The following IARS1 variants were observed in gnomAD, a reference collection of about 807,000 sequenced individuals.
IARS1 encodes isoleucyl-tRNA synthetase 1.
A neutral mutation model predicts 168.2 loss-of-function variants in IARS1; 124 were observed. That is an observed-to-expected ratio of 0.74 (90% CI 0.64 to 0.86). IARS1 has a LOEUF of 0.86. IARS1 is among the 40% of genes least tolerant of loss of function. The pLI, the probability that IARS1 is intolerant of heterozygous loss-of-function variation, is 0.00. For missense variants in IARS1, 1,452 were observed against 1,515.8 expected (o/e 0.96, Z 0.70); for synonymous variants, 532 against 529.4 (o/e 1.00, Z -0.07).
chr9:92,240,740 T>C lies in IARS1; in HGVS notation c.3283+116A>G, dbSNP rs187102071. On this transcript the variant is annotated intron_variant, in intron 30 of 33. Transcript: ENST00000443024. The stretch of plus-strand genomic sequence containing the variant: ...AGAAGAAAAAGTTATCTATTAAACA[T>C]GATTAAATAATTATTCCAATTCTCT... 4.2e-4 allele frequency: 307 copies of C among 726,520 alleles called. No homozygotes were observed. The African/African-American group carries it at 4.5e-3, about 11-fold the overall frequency. The allele number at this position is 726,520 out of a possible 1,614,324, so 45.0% of individuals were successfully genotyped here.
At chr9:92,221,010 A>T (rs1053863265) in intron 33 of IARS1, among the ~76,000 whole-genome samples, 1 of 152,168 alleles carries the variant, frequency 6.6e-6, no homozygotes, top group Non-Finnish European at 1.5e-5. Context: ...CTGTAACAGA[A>T]ATAAACACTG....
chr9:92,274,950 T>C (rs1281628766), intron 9 of IARS1, among the ~76,000 whole-genome samples: 2 of 152,222 alleles, frequency 1.3e-5, no homozygotes, highest in Non-Finnish European at 2.9e-5. Flanking sequence ...TATTCAGTCA[T>C]AAAGGCAAAT....
In IARS1 at chr9:92,225,287, T is replaced by C. The variant is rs529597604; in HGVS notation, c.3410-1798A>G. On this transcript the variant is annotated intron_variant, in intron 31 of 33. Transcript: ENST00000443024. Reference sequence around the variant, plus strand: ...AACACAGCATTCCACATAGCATCGCTTGACCAGAGAACTCATTTTTCAGCA... The same window carrying C: ...AACACAGCATTCCACATAGCATCGCCTGACCAGAGAACTCATTTTTCAGCA... Among the ~76,000 whole-genome samples the C allele has an allele frequency of 2.0e-5, 3 of 152,356 alleles. No homozygotes were observed. The South Asian group carries it at 6.2e-4, about 32-fold the overall frequency.
At chr9:92,265,600 G>A in intron 14 of IARS1, 47 bp from the exon 15 acceptor site, 2 of 1,348,620 alleles carry the variant, frequency 1.5e-6, no homozygotes, top group South Asian at 2.3e-5. Flanking sequence ...GAGCCAAACA[G>A]AGCATACTGA....
chr9:92,247,907 T>C (rs186479179), intron 25 of IARS1, among the ~76,000 whole-genome samples: 7 of 152,348 alleles, frequency 4.6e-5, no homozygotes, highest in Admixed American at 2.0e-4. Context: ...AATGGTCAGA[T>C]ATTGAGGGGA....
chr9:92,265,879 AAACTCTTGGACTCG>A (rs1203509001), intron 14 of IARS1, among the ~76,000 whole-genome samples: 1 of 152,130 alleles, frequency 6.6e-6, no homozygotes, highest in Non-Finnish European at 1.5e-5. Flanking sequence ...GGCTGGTCTC[AAACTCTTGGACTCG>A]AGCTATCAGC....
At chr9:92,213,238 A>G (rs1464251221) in intron 33 of IARS1, among the ~76,000 whole-genome samples, 2 of 152,188 alleles carry the variant, frequency 1.3e-5, no homozygotes, top group Admixed American at 1.3e-4. Context: ...AGAGCTAGGA[A>G]AGCAGGGAAA....
At chr9:92,223,259 C>T (rs866942945) in intron 32 of IARS1, 87 bp downstream of exon 32, 9 of 1,268,646 alleles carry the variant, frequency 7.1e-6, no homozygotes, top group African/African-American at 4.4e-5. Flanking sequence ...ACTTTGAAGC[C>T]GACTAGAAAT....
intron 30 of IARS1, among the ~76,000 whole-genome samples, chr9:92,238,368 A>T (rs1827865347): frequency 6.6e-6 from 1 of 152,086 alleles, no homozygotes; most frequent in African/African-American, 2.4e-5. Flanking sequence ...ATGGCTTGGT[A>T]CCCTTGTTGC....
intron 33 of IARS1, among the ~76,000 whole-genome samples, chr9:92,216,072 T>C (rs1290727229): frequency 6.6e-6 from 1 of 151,512 alleles, no homozygotes; most frequent in East Asian, 1.9e-4. Context: ...ACAGCAGATC[T>C]CTCGGCAGAA....
rs768706439 is a variant in IARS1 at position 92,287,926 on chromosome 9, A to G, written c.277-16T>C. The G allele has an allele frequency of 6.2e-7, 1 of 1,613,668 alleles. No homozygotes were observed. Among genetic ancestry groups the G allele is most frequent in the South Asian group, 1.1e-5 (1 of 90,972 alleles). ...TTTCATATTCCTGAAAATTTGTGAT[A>G]AGACTGTTACCACGCTGCCCTATGA... On this transcript the variant is annotated splice_polypyrimidine_tract_variant and intron_variant, in intron 3 of 33. Coordinates refer to ENST00000443024, the MANE Select transcript of IARS1 (RefSeq NM_002161.6).
At chr9:92,246,511 T>A (rs1190772759) in intron 26 of IARS1, among the ~76,000 whole-genome samples, 3 of 152,238 alleles carry the variant, frequency 2.0e-5, no homozygotes, top group Non-Finnish European at 4.4e-5. Context: ...TCCCATCATT[T>A]GGTTAGGTAC....
At chr9:92,274,281 T>C (rs1833491740) in intron 10 of IARS1, 145 bp downstream of exon 10, 1 of 600,786 alleles carries the variant, frequency 1.7e-6, no homozygotes, top group Non-Finnish European at 3.0e-6. Context: ...GAATTGCAGA[T>C]GCAAATTTTA....
chr9:92,271,153 C>A, intron 11 of IARS1, 77 bp from the exon 12 acceptor site: 1 of 801,706 alleles, frequency 1.2e-6, no homozygotes, highest in Non-Finnish European at 1.9e-6. Flanking sequence ...GAATCTGATA[C>A]CTTGTTATGA....
intron 7 of IARS1, among the ~76,000 whole-genome samples, chr9:92,278,966 T>C (rs1834140046): frequency 6.6e-6 from 1 of 152,168 alleles, no homozygotes; most frequent in African/African-American, 2.4e-5. Flanking sequence ...TGTACCCTTA[T>C]TGTAAGTGTT....
rs1829390557 is a variant in IARS1 at position 92,247,521 on chromosome 9, T to C, written c.2647A>G (p.Thr883Ala). The C allele has an allele frequency of 6.2e-7, 1 of 1,613,944 alleles. No homozygotes were observed. The highest frequency in any genetic ancestry group is 8.5e-7 in the Non-Finnish European group (1 of 1,180,008). The change falls in exon 26 of 34, where the codon ACA becomes GCA. Residue 883 changes from threonine to alanine, a missense_variant. By Grantham distance (58) the Thr-to-Ala change is moderately conservative. Transcript: ENST00000443024. Reference protein sequence around the residue: ...ELNVRKVTLSTDKNKYGIRLR... With the variant: ...ELNVRKVTLSADKNKYGIRLR... Reference sequence around the variant, plus strand: ...CGAATGCCATACTTGTTTTTATCTGTAGACAGTGTAACTTTTCGAACATTG... The same window carrying C: ...CGAATGCCATACTTGTTTTTATCTGCAGACAGTGTAACTTTTCGAACATTG...
At chr9:92,273,219 A>C (rs1354965351) in intron 10 of IARS1, among the ~76,000 whole-genome samples, 1 of 152,056 alleles carries the variant, frequency 6.6e-6, no homozygotes, top group Non-Finnish European at 1.5e-5. Flanking sequence ...TAACCATACC[A>C]GTTAATTGAC....
intron 30 of IARS1, among the ~76,000 whole-genome samples, chr9:92,236,407 C>T (rs566298479): frequency 6.6e-6 from 1 of 152,272 alleles, no homozygotes; most frequent in Non-Finnish European, 1.5e-5. Flanking sequence ...GGTGTTAATT[C>T]TGGTAAGAAT....
intron 6 of IARS1, among the ~76,000 whole-genome samples, chr9:92,283,646 A>G (rs1230726965): frequency 6.6e-6 from 1 of 152,200 alleles, no homozygotes; most frequent in East Asian, 1.9e-4. Context: ...GTCTCAAAAA[A>G]ATAAAAATTA....
Sources: allele counts gnomAD v4.1 joint callset (sites outside exome capture counted in the v4.1 genomes callset), GRCh38; gene constraint gnomAD v4.1.1; transcripts MANE v1.5; gene names NCBI Gene and HGNC (gene_info 2026-07-23, HGNC 2026-07-21).